The following SLC17A6 variants were observed in gnomAD, a reference collection of about 807,000 sequenced individuals.
SLC17A6 encodes solute carrier family 17 member 6, also known as vesicular glutamate transporter 2.
SLC17A6 carries 35 observed loss-of-function variants against 67.1 expected under a neutral mutation model. The observed-to-expected ratio is 0.52, with a 90% CI of 0.40 to 0.69. SLC17A6 has a LOEUF of 0.69. Ranked by LOEUF, SLC17A6 falls within the 30% of genes least tolerant of loss-of-function variation. The pLI is 0.00. For missense variants in SLC17A6, 588 were observed against 723.9 expected, an observed-to-expected ratio of 0.81 and a Z score of 2.15; for synonymous variants, 285 against 252.3, an observed-to-expected ratio of 1.13 and a Z score of -1.23.
rs1856250463 is a variant in SLC17A6 at position 22,377,966 on chromosome 11, T to G, written c.*226T>G. On this transcript the variant is annotated 3_prime_UTR_variant, in exon 12 of 12. Coordinates refer to ENST00000263160, the MANE Select transcript of SLC17A6 (RefSeq NM_020346.3). ...GTCATCCATTCTTGCATTTGTGACTTAAAGGTTGACTGGTCAAAATTGTAG... is the reference window on the plus strand; with the variant it reads ...GTCATCCATTCTTGCATTTGTGACTGAAAGGTTGACTGGTCAAAATTGTAG... 1 of 511,878 alleles carries G rather than the reference T, an allele frequency of 2.0e-6. No individual in the cohort carries two copies. Among genetic ancestry groups the G allele is most frequent in the Non-Finnish European group, 3.4e-6 (1 of 293,806 alleles). 31.7% of individuals were successfully genotyped at this position (511,878 alleles called of 1,614,324 possible).
intron 1 of SLC17A6, among the ~76,000 whole-genome samples, chr11:22,340,572 G>C (rs1855803635): frequency 6.6e-6 from 1 of 152,158 alleles, no homozygotes; most frequent in East Asian, 1.9e-4. Flanking sequence ...AGTTGATTTG[G>C]GGGAGCCTTT....
intron 1 of SLC17A6, among the ~76,000 whole-genome samples, chr11:22,340,812 G>T (rs1360603021): frequency 2.6e-5 from 4 of 152,168 alleles, no homozygotes; most frequent in Non-Finnish European, 4.4e-5. Context: ...TTGAACTAGA[G>T]CCCTGGGGCG....
chr11:22,376,666 G>A lies in SLC17A6; in HGVS notation c.1407G>A (p.Lys469=), dbSNP rs1229912498. Residue 469 remains lysine (K), a synonymous_variant, in exon 11 of 12, where the codon AAG becomes AAA. Transcript: ENST00000263160. ...VCPIIVGAMT[K]NKSREEWQYV... ...CTATCATTGTTGGTGCAATGACAAA[G>A]AATAAGGTAAGATGGTCAAAACAGA... The A allele has an allele frequency of 8.7e-6, 14 of 1,613,852 alleles. No individual in the cohort carries two copies. The highest frequency in any genetic ancestry group is 1.2e-5 in the Non-Finnish European group (14 of 1,179,842).
At chr11:22,346,701 A>G (rs980864782) in intron 3 of SLC17A6, among the ~76,000 whole-genome samples, 1 of 151,900 alleles carries the variant, frequency 6.6e-6, no homozygotes, top group Non-Finnish European at 1.5e-5. Flanking sequence ...ACATCGGCTT[A>G]TAGTAATCCA....
At chr11:22,347,410 C>T (rs1369463233) in intron 3 of SLC17A6, among the ~76,000 whole-genome samples, 2 of 152,032 alleles carry the variant, frequency 1.3e-5, no homozygotes, top group South Asian at 2.1e-4. Flanking sequence ...TCATGTGGGT[C>T]GTAACAGCTA....
intron 1 of SLC17A6, among the ~76,000 whole-genome samples, chr11:22,338,940 C>A (rs1440614239): frequency 6.6e-6 from 1 of 150,662 alleles, no homozygotes; most frequent in East Asian, 1.9e-4. Flanking sequence ...CCAGCCCCTG[C>A]TCAAACAGCG....
chr11:22,342,847 C>A, intron 2 of SLC17A6: 2 of 418,406 alleles, frequency 4.8e-6, no homozygotes, highest in Admixed American at 2.8e-5. Context: ...TTGGAAGTCA[C>A]TACACTACTG....
chr11:22,365,424 A>G (rs1231257857), intron 6 of SLC17A6, 123 bp from the exon 7 acceptor site: 41 of 1,153,450 alleles, frequency 3.6e-5, no homozygotes, highest in Non-Finnish European at 1.1e-5. Flanking sequence ...CGTCAGTTGG[A>G]GAAACATAAG....
intron 3 of SLC17A6, among the ~76,000 whole-genome samples, chr11:22,357,150 C>A (rs893577106): frequency 1.3e-5 from 2 of 152,134 alleles, no homozygotes; most frequent in African/African-American, 4.8e-5. Flanking sequence ...TGGTTAAGCA[C>A]CTGAACTAGT....
rs1377299588 is a variant in SLC17A6, at chr11:22,365,641, C to T, written c.843C>T (p.Tyr281=). The T allele has an allele frequency of 6.2e-7, 1 of 1,613,778 alleles. No individual in the cohort carries two copies. The highest frequency in any genetic ancestry group is 1.3e-5 in the African/African-American group (1 of 74,906). ...CTATTACAGATGAAGAACGTAGGTACATAGAAGAAAGCATTGGAGAGAGTG... is the reference window on the plus strand; with the variant it reads ...CTATTACAGATGAAGAACGTAGGTATATAGAAGAAAGCATTGGAGAGAGTG... ...HPTITDEERR[Y]IEESIGESAN... Residue 281 remains tyrosine, a synonymous_variant, in exon 7 of 12, where the codon TAC becomes TAT. Coordinates refer to ENST00000263160, the MANE Select transcript of SLC17A6 (RefSeq NM_020346.3).
chr11:22,339,151 AGT>A lies in SLC17A6; in HGVS notation c.86+533_86+534del, dbSNP rs1189958240. On this transcript the variant is annotated intron_variant, in intron 1 of 11. Coordinates refer to ENST00000263160, the MANE Select transcript of SLC17A6 (RefSeq NM_020346.3). ...TATGTTATATATATATGTTATATAT[AGT>A]TATATATATATGTTATATATATATG... is the stretch of plus-strand genomic sequence containing the variant. 3.0e-3 allele frequency among the ~76,000 whole-genome samples: 89 copies of A among 29,690 alleles called. 4 individuals are homozygous for A. Among genetic ancestry groups the A allele is most frequent in the Middle Eastern group, 0.021 (1 of 48 alleles). 19.5% of individuals were successfully genotyped at this position (29,690 alleles called of 152,430 possible).
chr11:22,366,455 G>C (rs189607125), intron 7 of SLC17A6, among the ~76,000 whole-genome samples: 1 of 151,920 alleles, frequency 6.6e-6, no homozygotes, highest in African/African-American at 2.4e-5. Flanking sequence ...TGATATAAAA[G>C]AATTATAACA....
intron 7 of SLC17A6, among the ~76,000 whole-genome samples, chr11:22,366,115 G>A (rs1856109304): frequency 6.6e-6 from 1 of 152,032 alleles, no homozygotes; most frequent in African/African-American, 2.4e-5. Context: ...CCCCCGGGTT[G>A]CTACCGAACC....
rs1027007901 is a variant in SLC17A6, at chr11:22,375,008, A to G, written c.1174+121A>G. 5.9e-6 allele frequency: 6 copies of G among 1,012,082 alleles called. No homozygotes were observed. In the African/African-American group the frequency reaches 8.3e-5, roughly 14 times the overall value. The allele number at this position is 1,012,082 out of a possible 1,614,324, so 62.7% of individuals were successfully genotyped here. ...ATGCAGTTACATTTGTGCCTTCATTATTCACTTAAAATAACTTCCTCATAT... is the reference window on the plus strand; with the variant it reads ...ATGCAGTTACATTTGTGCCTTCATTGTTCACTTAAAATAACTTCCTCATAT... On this transcript the variant is annotated intron_variant, in intron 9 of 11. Coordinates refer to ENST00000263160, the MANE Select transcript of SLC17A6 (RefSeq NM_020346.3).
At position 22,345,059 on chromosome 11, in the gene SLC17A6, T is replaced by C. The variant is rs76559404; in HGVS notation, c.458+1694T>C. On this transcript the variant is annotated intron_variant, in intron 3 of 11. Coordinates refer to ENST00000263160, the MANE Select transcript of SLC17A6 (RefSeq NM_020346.3). ...ATGTCAAATGAAAATATAATGGTGG[T>C]GACTTTAAGGGTTTTTTTCAGAGTC... is the stretch of plus-strand genomic sequence containing the variant. Among the ~76,000 whole-genome samples, 510 of 152,190 alleles carry C rather than the reference T, an allele frequency of 3.4e-3. 1 individual carries two copies. The highest frequency in any genetic ancestry group is 0.012 in the African/African-American group (481 of 41,532).
intron 3 of SLC17A6, among the ~76,000 whole-genome samples, chr11:22,359,202 G>A (rs747998941): frequency 2.0e-5 from 3 of 152,016 alleles, no homozygotes; most frequent in Non-Finnish European, 2.9e-5. Context: ...ATTTTTTGAA[G>A]CATCAAATAT....
intron 3 of SLC17A6, among the ~76,000 whole-genome samples, chr11:22,358,391 G>A (rs576317070): frequency 6.6e-6 from 1 of 152,122 alleles, no homozygotes; most frequent in Admixed American, 6.5e-5. Flanking sequence ...GCAATGGTGC[G>A]ATCTTGGTTC....
At chr11:22,339,816 C>T (rs192026648) in intron 1 of SLC17A6, among the ~76,000 whole-genome samples, 82 of 152,106 alleles carry the variant, frequency 5.4e-4, no homozygotes, top group African/African-American at 1.9e-3. Flanking sequence ...CCCACAGCTA[C>T]CATGGAAAGG....
intron 7 of SLC17A6, among the ~76,000 whole-genome samples, 153 bp downstream of exon 7, chr11:22,365,842 G>A (rs986277327): frequency 2.6e-5 from 4 of 151,948 alleles, no homozygotes; most frequent in Admixed American, 1.3e-4. Context: ...TCTGACTTAG[G>A]AATAATAGCT....
Sources: allele counts gnomAD v4.1 joint callset (sites outside exome capture counted in the v4.1 genomes callset), GRCh38; gene constraint gnomAD v4.1.1; transcripts MANE v1.5; gene names NCBI Gene and HGNC (gene_info 2026-07-23, HGNC 2026-07-21).